The following CSMD1 variants were observed in gnomAD, a reference collection of about 807,000 sequenced individuals.
CSMD1 encodes CUB and sushi domain-containing protein 1.
Under a neutral mutation model 417.5 loss-of-function variants are expected in CSMD1, and 213 were observed. That is an observed-to-expected ratio of 0.51 (90% CI 0.46 to 0.57). CSMD1 has a LOEUF of 0.57. Ranked by LOEUF, CSMD1 falls within the 20% of genes least tolerant of loss-of-function variation. The pLI is 0.00. For missense variants in CSMD1, 6,923 were observed against 4,529.7 expected (o/e 1.53, Z -15.17); for synonymous variants, 2,862 against 1,736.8 (o/e 1.65, Z -16.11).
At chr8:3,329,771 G>A (rs140362331) in intron 23 of CSMD1, among the ~76,000 whole-genome samples, 51 of 152,278 alleles carry the variant, frequency 3.3e-4, no homozygotes, top group African/African-American at 1.1e-3. Flanking sequence ...TGTGCAGGGT[G>A]ATGCATTGTG....
At position 4,163,996 on chromosome 8, in the gene CSMD1, G is replaced by A. The variant is rs77554229; in HGVS notation, c.416-131897C>T. Among the ~76,000 whole-genome samples, 67 of 152,258 alleles carry A rather than the reference G, an allele frequency of 4.4e-4. 2 individuals are homozygous for A. In the East Asian group the frequency reaches 7.2e-3, roughly 16 times the overall value. On this transcript the variant is annotated intron_variant, in intron 3 of 69. Transcript: ENST00000635120. Reference sequence around the variant, plus strand: ...GGTGATGTGGGATTGAGGAATAATCGTGAGGAGAAATTAAATAAGCAGAGT... The same window carrying A: ...GGTGATGTGGGATTGAGGAATAATCATGAGGAGAAATTAAATAAGCAGAGT...
chr8:4,754,717 T>A (rs567242585), intron 1 of CSMD1, among the ~76,000 whole-genome samples: 4 of 151,868 alleles, frequency 2.6e-5, no homozygotes, highest in African/African-American at 9.7e-5. Context: ...AGCATGGTGG[T>A]GGGCGCCTGT....
At chr8:4,177,460 T>C (rs1798117873) in intron 3 of CSMD1, among the ~76,000 whole-genome samples, 3 of 151,814 alleles carry the variant, frequency 2.0e-5, no homozygotes, top group Admixed American at 1.3e-4. Flanking sequence ...TAGCACTAAA[T>C]GTCCACAAGA....
At chr8:3,282,202 CTG>C (rs1412243593) in intron 26 of CSMD1, among the ~76,000 whole-genome samples, 1 of 152,028 alleles carries the variant, frequency 6.6e-6, no homozygotes, top group Non-Finnish European at 1.5e-5. Flanking sequence ...CCGGAGAAAA[CTG>C]TGGATATCGG....
chr8:3,424,870 T>A (rs1813724257), intron 12 of CSMD1, among the ~76,000 whole-genome samples: 1 of 152,228 alleles, frequency 6.6e-6, no homozygotes, highest in African/African-American at 2.4e-5. Context: ...GACAGGGTCT[T>A]ACTCTGTTTT....
chr8:4,125,935 A>G (rs948173425), intron 3 of CSMD1, among the ~76,000 whole-genome samples: 3 of 152,028 alleles, frequency 2.0e-5, no homozygotes, highest in African/African-American at 4.8e-5. Context: ...ACCTTCCCAA[A>G]TTGCTTCTGG....
chr8:3,767,616 T>C (rs1488157486), intron 5 of CSMD1, among the ~76,000 whole-genome samples: 1 of 151,898 alleles, frequency 6.6e-6, no homozygotes, highest in Non-Finnish European at 1.5e-5. Flanking sequence ...ATGTTTTATA[T>C]CCACTTGCAT....
chr8:3,474,493 A>T (rs910353371), intron 11 of CSMD1, among the ~76,000 whole-genome samples: 5 of 152,138 alleles, frequency 3.3e-5, no homozygotes, highest in Admixed American at 1.3e-4. Context: ...GGTAAACAGT[A>T]ATCTTTCTTG....
chr8:4,077,868 C>G (rs1167405907), intron 3 of CSMD1, among the ~76,000 whole-genome samples: 2 of 152,252 alleles, frequency 1.3e-5, no homozygotes, highest in East Asian at 1.9e-4. Flanking sequence ...CTTCCTTTCT[C>G]TGACTTGTAA....
At position 4,119,844 on chromosome 8, in the gene CSMD1, T is replaced by C. The variant is rs1033274487; in HGVS notation, c.416-87745A>G. Among the ~76,000 whole-genome samples the C allele has an allele frequency of 7.2e-5, 11 of 152,232 alleles. No homozygotes were observed. In the East Asian group the frequency reaches 1.3e-3, roughly 19 times the overall value. On this transcript the variant is annotated intron_variant, in intron 3 of 69. Coordinates refer to ENST00000635120, the MANE Select transcript of CSMD1 (RefSeq NM_033225.6). ...TTTAAAACTCCTACACGTTTGTGTA[T>C]GTTTCTGGAGACACATCTGAAAGGG...
chr8:3,665,142 C>G (rs1424097360), intron 7 of CSMD1, among the ~76,000 whole-genome samples: 1 of 152,116 alleles, frequency 6.6e-6, no homozygotes, highest in Non-Finnish European at 1.5e-5. Flanking sequence ...AATTTTGTAT[C>G]ATGAGCATTG....
At position 3,199,729 on chromosome 8, in the gene CSMD1, G is replaced by A; in HGVS notation, c.5179C>T (p.His1727Tyr). The change falls in exon 33 of 70, where the codon CAC becomes TAC. Residue 1727 changes from histidine to tyrosine, a missense_variant. Physicochemically the swap from His to Tyr is moderately conservative, Grantham distance 83. Transcript: ENST00000635120. Reference sequence around the variant, plus strand: ...TGACGCTTACCTTGATACACGAAGTGGAAGCCGCGGGCAGAGGCACCGCTC... The same window carrying A: ...TGACGCTTACCTTGATACACGAAGTAGAAGCCGCGGGCAGAGGCACCGCTC... ...AKSGASARGFHFVYQAVPRTS... is the reference protein window; with the variant it reads ...AKSGASARGFYFVYQAVPRTS... The A allele has an allele frequency of 6.3e-7, 1 of 1,586,230 alleles. No homozygotes were observed. Among genetic ancestry groups the A allele is most frequent in the Non-Finnish European group, 8.6e-7 (1 of 1,165,716 alleles).
intron 55 of CSMD1, among the ~76,000 whole-genome samples, chr8:2,977,072 G>T (rs1471415957): frequency 6.6e-6 from 1 of 151,342 alleles, no homozygotes; most frequent in African/African-American, 2.4e-5. Flanking sequence ...AAGAAAGAAA[G>T]AAAAAAAGAT....
rs185796847 is a variant in CSMD1, at chr8:3,811,491, C to T, written c.819-57449G>A. On this transcript the variant is annotated intron_variant, in intron 5 of 69. Coordinates refer to ENST00000635120, the MANE Select transcript of CSMD1 (RefSeq NM_033225.6). ...CATTTGGTTTTTCCCAACCGAGTGCCTGTTGAGAGTTTTAGCAGAGTTGTT... is the reference window on the plus strand; with the variant it reads ...CATTTGGTTTTTCCCAACCGAGTGCTTGTTGAGAGTTTTAGCAGAGTTGTT... Among the ~76,000 whole-genome samples the T allele has an allele frequency of 2.0e-3, 308 of 152,158 alleles. 8 individuals are homozygous for T. Among genetic ancestry groups the T allele is most frequent in the Admixed American group, 0.019 (293 of 15,262 alleles).
chr8:4,679,499 T>C (rs757626678), intron 1 of CSMD1, among the ~76,000 whole-genome samples: 1 of 152,230 alleles, frequency 6.6e-6, no homozygotes, highest in Non-Finnish European at 1.5e-5. Context: ...TAGAATTTCA[T>C]GAGTCTAGAC....
intron 7 of CSMD1, among the ~76,000 whole-genome samples, chr8:3,683,068 G>C (rs1799749742): frequency 1.3e-5 from 2 of 151,996 alleles, no homozygotes; most frequent in South Asian, 4.1e-4. Context: ...AGAGGGAAGG[G>C]ATAGCATTAG....
At position 4,649,570 on chromosome 8, in the gene CSMD1, C is replaced by T. The variant is rs893509550; in HGVS notation, c.86-12012G>A. ...ATTTAGAAATGATATAGTATTTTTT[C>T]TGTCATTTTCTGAAAAGAATGTGTC... is the stretch of plus-strand genomic sequence containing the variant. On this transcript the variant is annotated intron_variant, in intron 1 of 69. Transcript: ENST00000635120. 2.6e-5 allele frequency among the ~76,000 whole-genome samples: 4 copies of T among 152,140 alleles called. No homozygotes were observed. The South Asian group carries it at 8.3e-4, about 31-fold the overall frequency.
At chr8:4,099,091 CT>C (rs1161913820) in intron 3 of CSMD1, among the ~76,000 whole-genome samples, 21 of 151,992 alleles carry the variant, frequency 1.4e-4, no homozygotes, top group Admixed American at 1.4e-3. Flanking sequence ...TTATTTTCAT[CT>C]GTTTTTTTCT....
rs865944269 is a variant in CSMD1, at chr8:3,796,308, G to C, written c.819-42266C>G. On this transcript the variant is annotated intron_variant, in intron 5 of 69. Coordinates refer to ENST00000635120, the MANE Select transcript of CSMD1 (RefSeq NM_033225.6). ...TGTATAGATATATCTATCATGTATA[G>C]ATATAGATATCTATCATGTATAGAT... Among the ~76,000 whole-genome samples, 11 of 76,706 alleles carry C rather than the reference G, an allele frequency of 1.4e-4. 2 individuals carry two copies. In the South Asian group the frequency reaches 2.2e-3, roughly 16 times the overall value. 50.3% of individuals were successfully genotyped at this position (76,706 alleles called of 152,430 possible).
Sources: allele counts gnomAD v4.1 joint callset (sites outside exome capture counted in the v4.1 genomes callset), GRCh38; gene constraint gnomAD v4.1.1; transcripts MANE v1.5; gene names NCBI Gene and HGNC (gene_info 2026-07-23, HGNC 2026-07-21).